The following NAALADL2 variants were observed in gnomAD, a reference collection of about 807,000 sequenced individuals.
NAALADL2 encodes the protein N-acetylated alpha-linked acidic dipeptidase like 2, also known as inactive N-acetylated-alpha-linked acidic dipeptidase-like protein 2.
A neutral mutation model predicts 87.2 loss-of-function variants in NAALADL2; 76 were observed. That is an observed-to-expected ratio of 0.87 (90% CI 0.72 to 1.05). NAALADL2 has a LOEUF of 1.05. Ranked by LOEUF, NAALADL2 falls within the 50% of genes least tolerant of loss-of-function variation. The pLI, the probability that NAALADL2 is intolerant of heterozygous loss-of-function variation, is 0.00. For missense variants in NAALADL2, 1,089 were observed against 945.8 expected, an observed-to-expected ratio of 1.15 and a Z score of -1.99; for synonymous variants, 354 against 331.0, an observed-to-expected ratio of 1.07 and a Z score of -0.75.
intron 5 of NAALADL2, among the ~76,000 whole-genome samples, chr3:175,404,148 C>T (rs1164496990): frequency 2.0e-5 from 3 of 152,016 alleles, no homozygotes; most frequent in Non-Finnish European, 4.4e-5. Flanking sequence ...ATCTATGATC[C>T]ACTTTCTGGC....
intron 2 of NAALADL2, among the ~76,000 whole-genome samples, chr3:174,633,855 G>A (rs978878164): frequency 1.3e-5 from 2 of 152,178 alleles, no homozygotes; most frequent in Non-Finnish European, 2.9e-5. Flanking sequence ...CCATAGGGGA[G>A]TTAGTAGGGT....
chr3:174,880,288 A>G lies in NAALADL2; in HGVS notation c.43+20838A>G, dbSNP rs529292376. Among the ~76,000 whole-genome samples, 299 of 152,228 alleles carry G rather than the reference A, an allele frequency of 2.0e-3. 1 individual carries two copies. The highest frequency in any genetic ancestry group is 3.5e-3 in the Non-Finnish European group (239 of 68,000). On this transcript the variant is annotated intron_variant, in intron 1 of 13. Coordinates refer to ENST00000454872, the MANE Select transcript of NAALADL2 (RefSeq NM_207015.3). ...TCCCAAACCTATTCTGGCATTGCAC[A>G]TCTCAGTTGGAAGTAACTCATTTCC... is the stretch of plus-strand genomic sequence containing the variant.
chr3:175,141,984 G>A (rs867102119), intron 2 of NAALADL2, among the ~76,000 whole-genome samples: 66 of 152,144 alleles, frequency 4.3e-4, no homozygotes, highest in African/African-American at 1.6e-3. Flanking sequence ...TAGCATCAAT[G>A]AAAAACACCA....
intron 12 of NAALADL2, among the ~76,000 whole-genome samples, chr3:175,744,051 GC>G (rs1745601269): frequency 6.6e-6 from 1 of 152,224 alleles, no homozygotes; most frequent in South Asian, 2.1e-4. Flanking sequence ...AAGCACTGCT[GC>G]CTACGACAGC....
At chr3:175,222,157 C>A (rs1277550831) in intron 2 of NAALADL2, among the ~76,000 whole-genome samples, 1 of 152,122 alleles carries the variant, frequency 6.6e-6, no homozygotes, top group Non-Finnish European at 1.5e-5. Context: ...TAAGAGTTGA[C>A]CATTGCCAAA....
chr3:175,775,756 C>T (rs1750147797), intron 13 of NAALADL2, among the ~76,000 whole-genome samples: 1 of 152,098 alleles, frequency 6.6e-6, no homozygotes, highest in Non-Finnish European at 1.5e-5. Context: ...TTATCATATA[C>T]AGATACCACA....
intron 3 of NAALADL2, among the ~76,000 whole-genome samples, chr3:174,787,442 T>C (rs1333433929): frequency 1.3e-5 from 2 of 150,674 alleles, no homozygotes; most frequent in Non-Finnish European, 3.0e-5. Flanking sequence ...CTATTAAGAC[T>C]ACAGGGATAG....
rs141114280 is a variant in NAALADL2, at chr3:175,503,731, T to C, written c.1653+31973T>C. Among the ~76,000 whole-genome samples the C allele has an allele frequency of 3.5e-3, 527 of 152,330 alleles. 3 individuals carry two copies. The highest frequency in any genetic ancestry group is 0.012 in the African/African-American group (510 of 41,582). Reference sequence around the variant, plus strand: ...TGTTGGCTACACGTGTGTCTTCTTTTGAAAAGTGTCTGTTCATGTCCTTTG... The same window carrying C: ...TGTTGGCTACACGTGTGTCTTCTTTCGAAAAGTGTCTGTTCATGTCCTTTG... On this transcript the variant is annotated intron_variant, in intron 9 of 13. Coordinates refer to ENST00000454872, the MANE Select transcript of NAALADL2 (RefSeq NM_207015.3).
intron 2 of NAALADL2, among the ~76,000 whole-genome samples, chr3:175,112,090 A>G (rs772013195): frequency 2.6e-5 from 4 of 151,604 alleles, no homozygotes; most frequent in Admixed American, 6.6e-5. Context: ...AACCTGACAC[A>G]TAGTAAACAA....
At chr3:174,756,708 G>C (rs1430060067) in intron 3 of NAALADL2, among the ~76,000 whole-genome samples, 1 of 152,186 alleles carries the variant, frequency 6.6e-6, no homozygotes, top group Non-Finnish European at 1.5e-5. Context: ...GGTGAATTTT[G>C]AAATAAAGCT....
Position 175,665,926 on chromosome 3 carries a change from TC to T in NAALADL2, c.1896+38549del, listed in dbSNP as rs201067996. On this transcript the variant is annotated intron_variant, in intron 11 of 13. Transcript: ENST00000454872. ...AGCCTGGCAACAGAGTGGGACTCTG[TC>T]CCCCCCCCAAAAAAAAGGTTTTATT... 1.8e-3 allele frequency among the ~76,000 whole-genome samples: 269 copies of T among 147,696 alleles called. 1 individual carries two copies. Among genetic ancestry groups the T allele is most frequent in the African/African-American group, 4.6e-3 (186 of 40,564 alleles).
chr3:174,764,056 T>C, intron 3 of NAALADL2, among the ~76,000 whole-genome samples: 1 of 152,170 alleles, frequency 6.6e-6, no homozygotes, highest in East Asian at 1.9e-4. Flanking sequence ...TCAGAGAGAT[T>C]GAAAGATTTC....
At chr3:175,415,000 T>C (rs1164155762) in intron 5 of NAALADL2, among the ~76,000 whole-genome samples, 1 of 152,082 alleles carries the variant, frequency 6.6e-6, no homozygotes, top group African/African-American at 2.4e-5. Context: ...AGTAGAAAAA[T>C]TGTCTTACGG....
chr3:175,204,378 A>G (rs1740507950), intron 2 of NAALADL2, among the ~76,000 whole-genome samples: 3 of 152,202 alleles, frequency 2.0e-5, no homozygotes, highest in African/African-American at 7.2e-5. Context: ...AGAAAAATAC[A>G]TTCACAATAT....
At chr3:174,631,047 C>G (rs1029279288) in intron 2 of NAALADL2, among the ~76,000 whole-genome samples, 1 of 152,112 alleles carries the variant, frequency 6.6e-6, no homozygotes, top group Admixed American at 6.5e-5. Flanking sequence ...TAGGGAGTAA[C>G]AACTTTTACT....
chr3:175,340,717 C>T (rs1315225392), intron 5 of NAALADL2, among the ~76,000 whole-genome samples: 1 of 152,150 alleles, frequency 6.6e-6, no homozygotes, highest in Non-Finnish European at 1.5e-5. Context: ...TTAACATGAT[C>T]ATGGCTTCTT....
At chr3:175,400,214 A>G (rs1770391180) in intron 5 of NAALADL2, among the ~76,000 whole-genome samples, 1 of 152,146 alleles carries the variant, frequency 6.6e-6, no homozygotes, top group Non-Finnish European at 1.5e-5. Flanking sequence ...GCTATATTTC[A>G]TGCTAGGATA....
At position 174,637,825 on chromosome 3, in the gene NAALADL2, G is replaced by T. The variant is rs139179256; in HGVS notation, c.-115+87188G>T. Among the ~76,000 whole-genome samples the T allele has an allele frequency of 4.7e-3, 709 of 151,962 alleles. 5 individuals are homozygous for T. The highest frequency in any genetic ancestry group is 0.016 in the African/African-American group (674 of 41,472). On this transcript the variant is annotated intron_variant, in intron 2 of 3. Coordinates refer to the NAALADL2 transcript ENST00000434257. Reference sequence around the variant, plus strand: ...TGTACATATTTGGGGATTTTATAAAGCCAAGTCTTGATTTCCTCTGCTAAA... The same window carrying T: ...TGTACATATTTGGGGATTTTATAAATCCAAGTCTTGATTTCCTCTGCTAAA...
intron 1 of NAALADL2, among the ~76,000 whole-genome samples, chr3:175,050,343 G>A (rs61676703): frequency 0.31 from 46,826 of 151,640 alleles, 7,485 homozygotes; most frequent in Middle Eastern, 0.44. Context: ...GCTCACTGCA[G>A]CCTCTGCCTC....
Sources: allele counts gnomAD v4.1 joint callset (sites outside exome capture counted in the v4.1 genomes callset), GRCh38; gene constraint gnomAD v4.1.1; transcripts MANE v1.5; gene names NCBI Gene and HGNC (gene_info 2026-07-23, HGNC 2026-07-21).